FRAS1: variants seen among roughly 807,000 people sequenced by gnomAD.
The protein encoded by FRAS1 is Fraser extracellular matrix complex subunit 1.
A neutral mutation model predicts 435.2 loss-of-function variants in FRAS1; 290 were observed. The observed-to-expected ratio is 0.67, with a 90% CI of 0.61 to 0.73. FRAS1 has a LOEUF of 0.73. Ranked by LOEUF, FRAS1 falls within the 30% of genes least tolerant of loss-of-function variation. The pLI is 0.00. For synonymous variants in FRAS1, 1,800 were observed against 1,851.0 expected, an observed-to-expected ratio of 0.97 and a Z score of 0.71; for missense variants, 4,860 against 5,001.5, an observed-to-expected ratio of 0.97 and a Z score of 0.85.
intron 29 of FRAS1, among the ~76,000 whole-genome samples, chr4:78,388,765 ACTACTGTACT>A (rs1732327442): frequency 6.6e-6 from 1 of 152,000 alleles, no homozygotes; most frequent in South Asian, 2.1e-4. Flanking sequence ...CCATGATCAC[ACTACTGTACT>A]CCAGCGTGGA....
intron 14 of FRAS1, among the ~76,000 whole-genome samples, chr4:78,302,279 A>C (rs1438295229): frequency 3.3e-5 from 5 of 151,510 alleles, no homozygotes; most frequent in Non-Finnish European, 7.4e-5. Context: ...GGTTGGTTCC[A>C]AGTCTTTGCT....
At chr4:78,088,430 G>A (rs914187776) in intron 2 of FRAS1, among the ~76,000 whole-genome samples, 11 of 151,100 alleles carry the variant, frequency 7.3e-5, no homozygotes, top group South Asian at 4.2e-4. Context: ...TGACAAATGG[G>A]ATCTAATTAA....
intron 2 of FRAS1, among the ~76,000 whole-genome samples, chr4:78,213,614 A>G (rs1723612615): frequency 6.6e-6 from 1 of 152,234 alleles, no homozygotes; most frequent in Non-Finnish European, 1.5e-5. Flanking sequence ...AATGTATAAC[A>G]GATATACTTG....
chr4:78,160,585 G>A (rs1721098933), intron 2 of FRAS1, among the ~76,000 whole-genome samples: 1 of 152,106 alleles, frequency 6.6e-6, no homozygotes, highest in East Asian at 1.9e-4. Context: ...AGGCATTGGA[G>A]TGTATGATTC....
intron 72 of FRAS1, among the ~76,000 whole-genome samples, 181 bp downstream of exon 72, chr4:78,537,381 A>G (rs1377410639): frequency 6.6e-6 from 1 of 152,238 alleles, no homozygotes; most frequent in Non-Finnish European, 1.5e-5. Flanking sequence ...TACGATGAGT[A>G]ACAAGACAAA....
intron 2 of FRAS1, among the ~76,000 whole-genome samples, chr4:78,074,343 G>T (rs17002914): frequency 0.029 from 4,417 of 152,164 alleles, 194 homozygotes; most frequent in African/African-American, 0.1. Context: ...GAATAAACTT[G>T]ATCTAAGAGA....
intron 1 of FRAS1, among the ~76,000 whole-genome samples, chr4:78,058,982 G>A (rs34240464): frequency 6.6e-6 from 1 of 152,236 alleles, no homozygotes; most frequent in African/African-American, 2.4e-5. Context: ...GAAGGGAGCC[G>A]GCGGGCTGGG....
intron 23 of FRAS1, among the ~76,000 whole-genome samples, chr4:78,371,091 GT>G (rs369342938): frequency 1.9e-3 from 231 of 124,240 alleles, no homozygotes; most frequent in South Asian, 3.8e-3. Flanking sequence ...CTGTTTTTTT[GT>G]TTTTTTTTTT....
At chr4:78,170,238 C>G (rs957069698) in intron 2 of FRAS1, among the ~76,000 whole-genome samples, 1 of 152,048 alleles carries the variant, frequency 6.6e-6, no homozygotes, top group Admixed American at 6.6e-5. Context: ...TATCTTCTCC[C>G]CCTATGTTAA....
chr4:78,178,400 T>G (rs1201687877), intron 2 of FRAS1, among the ~76,000 whole-genome samples: 1 of 152,196 alleles, frequency 6.6e-6, no homozygotes. Flanking sequence ...AATTACCAAT[T>G]TGTATAGATG....
chr4:78,152,574 C>T (rs1439926829), intron 2 of FRAS1, among the ~76,000 whole-genome samples: 3 of 132,304 alleles, frequency 2.3e-5, no homozygotes, highest in Admixed American at 7.5e-5. Context: ...TTCTTTTGCA[C>T]TGTTTTGTGT....
At chr4:78,343,418 C>A (rs888253527) in intron 20 of FRAS1, among the ~76,000 whole-genome samples, 2 of 132,618 alleles carry the variant, frequency 1.5e-5, no homozygotes, top group Non-Finnish European at 3.2e-5. Context: ...GACTTCCCTC[C>A]CTCCCTCCCT....
intron 2 of FRAS1, among the ~76,000 whole-genome samples, chr4:78,213,418 G>A (rs1250390279): frequency 6.6e-6 from 1 of 152,242 alleles, no homozygotes; most frequent in Non-Finnish European, 1.5e-5. Context: ...CCAAAATGCA[G>A]TCAGGTAAAC....
chr4:78,340,979 G>A (rs964804828), intron 20 of FRAS1, among the ~76,000 whole-genome samples: 10 of 152,152 alleles, frequency 6.6e-5, no homozygotes, highest in African/African-American at 2.4e-4. Context: ...CTCAACACAT[G>A]AATTTTCAGA....
intron 18 of FRAS1, among the ~76,000 whole-genome samples, chr4:78,325,201 T>C (rs1249226906): frequency 6.6e-6 from 1 of 152,240 alleles, no homozygotes; most frequent in Non-Finnish European, 1.5e-5. Context: ...CTCCTAGGGC[T>C]GGGTCTTACT....
chr4:78,228,789 A>G (rs1281085853), intron 2 of FRAS1, among the ~76,000 whole-genome samples: 1 of 152,196 alleles, frequency 6.6e-6, no homozygotes, highest in Non-Finnish European at 1.5e-5. Flanking sequence ...GTCCGAGCTC[A>G]TAGCTAACAT....
At chr4:78,363,371 C>A in intron 20 of FRAS1, 142 bp from the exon 21 acceptor site, 1 of 748,434 alleles carries the variant, frequency 1.3e-6, no homozygotes, top group Non-Finnish European at 2.1e-6. Flanking sequence ...TTCTACTTTA[C>A]TGATATACAC....
intron 2 of FRAS1, among the ~76,000 whole-genome samples, chr4:78,084,170 T>A (rs1370999654): frequency 6.6e-6 from 1 of 152,154 alleles, no homozygotes; most frequent in African/African-American, 2.4e-5. Context: ...GTGAGTATGG[T>A]ACATACAATC....
At chr4:78,496,080 C>A (rs1002244794) in intron 59 of FRAS1, among the ~76,000 whole-genome samples, 3 of 152,114 alleles carry the variant, frequency 2.0e-5, no homozygotes, top group African/African-American at 7.2e-5. Context: ...CTAAAAATAT[C>A]CTCCTTCACA....
Sources: gnomAD v4.1 joint callset for allele counts (sites outside exome capture counted in the v4.1 genomes callset) on GRCh38, gnomAD v4.1.1 for gene constraint, MANE v1.5 for transcripts, NCBI Gene and HGNC (gene_info 2026-07-23, HGNC 2026-07-21) for gene names.